The following PBX1 variants were observed in gnomAD, a reference collection of about 807,000 sequenced individuals.
The protein encoded by PBX1 is pre-B-cell leukemia transcription factor 1.
A neutral mutation model predicts 53.4 loss-of-function variants in PBX1; 6 were observed. The ratio of observed to expected loss-of-function variants is 0.11; its 90% confidence interval spans 0.06 to 0.22. The LOEUF (loss-of-function observed/expected upper bound fraction) is 0.22, where lower values mean the gene tolerates loss of function less well. Among genes scored for constraint, PBX1 ranks in the 10% least tolerant of loss-of-function variants. The pLI is 1.00. For missense variants in PBX1, 251 were observed against 551.4 expected (o/e 0.46, Z 5.46); for synonymous variants, 204 against 212.3 (o/e 0.96, Z 0.34).
intron 2 of PBX1, among the ~76,000 whole-genome samples, chr1:164,879,735 T>C (rs1300717232): frequency 6.6e-6 from 1 of 152,076 alleles, no homozygotes; most frequent in East Asian, 1.9e-4. Flanking sequence ...GTAATGGGAG[T>C]GGATAATATG....
At chr1:164,709,850 A>G (rs1663653169) in intron 2 of PBX1, among the ~76,000 whole-genome samples, 1 of 152,214 alleles carries the variant, frequency 6.6e-6, no homozygotes, top group Non-Finnish European at 1.5e-5. Context: ...GTGAAATACC[A>G]GAAGTCGTCT....
chr1:164,842,357 A>G (rs1489249181), intron 8 of PBX1, among the ~76,000 whole-genome samples: 3 of 152,178 alleles, frequency 2.0e-5, no homozygotes, highest in South Asian at 2.1e-4. Flanking sequence ...CATGTTTTGC[A>G]TTACCTTTTA....
intron 2 of PBX1, among the ~76,000 whole-genome samples, chr1:164,572,473 A>G (rs1054707418): frequency 6.6e-6 from 1 of 152,204 alleles, no homozygotes; most frequent in Non-Finnish European, 1.5e-5. Context: ...CATTTTAAAG[A>G]GGAAAAAAAG....
intron 2 of PBX1, among the ~76,000 whole-genome samples, chr1:164,879,670 AGT>A (rs1672599110): frequency 6.6e-6 from 1 of 152,176 alleles, no homozygotes; most frequent in South Asian, 2.1e-4. Flanking sequence ...TCAACACGGT[AGT>A]CATGATGGTT....
At chr1:164,842,718 T>C (rs1384306471) in intron 8 of PBX1, among the ~76,000 whole-genome samples, 1 of 152,110 alleles carries the variant, frequency 6.6e-6, no homozygotes, top group African/African-American at 2.4e-5. Flanking sequence ...ACTAAATTGT[T>C]TTTAGCAATT....
At chr1:164,677,247 C>T (rs1270576783) in intron 2 of PBX1, among the ~76,000 whole-genome samples, 5 of 151,590 alleles carry the variant, frequency 3.3e-5, no homozygotes, top group East Asian at 2.0e-4. Flanking sequence ...CGCCCGCCAC[C>T]GCGCCCGGCT....
rs533693615 is a variant in PBX1, at chr1:164,821,614, G to T, written c.1188G>T (p.Pro396=). 5.6e-6 allele frequency: 9 copies of T among 1,613,220 alleles called. No individual in the cohort carries two copies. In the South Asian group the frequency reaches 6.6e-5, roughly 12 times the overall value. ...DGLAASQMYS[P]QGISANGGWQ... Reference sequence around the variant, plus strand: ...TCGCAGCCAGTCAGATGTACAGTCCGCAGGGCATCAGTGTAAGAAAACAAG... The same window carrying T: ...TCGCAGCCAGTCAGATGTACAGTCCTCAGGGCATCAGTGTAAGAAAACAAG... The change falls in exon 8 of 9, where the codon CCG becomes CCT. Residue 396 remains proline (P), a synonymous_variant. Transcript: ENST00000420696.
intron 2 of PBX1, among the ~76,000 whole-genome samples, chr1:164,675,495 C>G (rs1318514785): frequency 6.6e-6 from 1 of 152,160 alleles, no homozygotes; most frequent in Non-Finnish European, 1.5e-5. Context: ...GCTACCACCT[C>G]CCTGCCTAGC....
rs537061357 is a variant in PBX1, at chr1:164,773,361, C to T, written c.266-19133C>T. ...TTGAGTGACCCACTCACACTCAGCT[C>T]AGCATTCCTATTTCAAACACTGCTG... On this transcript the variant is annotated intron_variant, in intron 2 of 8. Coordinates refer to ENST00000420696, the MANE Select transcript of PBX1 (RefSeq NM_002585.4). Among the ~76,000 whole-genome samples the T allele has an allele frequency of 2.6e-5, 4 of 152,214 alleles. No homozygotes were observed. In the South Asian group the frequency reaches 8.3e-4, roughly 32 times the overall value.
At chr1:164,695,428 C>T (rs1236727370) in intron 2 of PBX1, among the ~76,000 whole-genome samples, 2 of 152,136 alleles carry the variant, frequency 1.3e-5, no homozygotes, top group East Asian at 3.9e-4. Context: ...CCTGCCACTT[C>T]TTTCTTATAC....
At position 164,807,602 on chromosome 1, in the gene PBX1, C is replaced by T. The variant is rs1488036135; in HGVS notation, c.762C>T (p.Ser254=). ...AAATCCTGAATGAATATTTCTATTCCCATCTCAGCAACCCTTACCCCAGTG... is the reference window on the plus strand; with the variant it reads ...AAATCCTGAATGAATATTTCTATTCTCATCTCAGCAACCCTTACCCCAGTG... ...ATEILNEYFY[S]HLSNPYPSEE... Residue 254 remains serine (S), a synonymous_variant, in exon 5 of 9, where the codon TCC becomes TCT. Coordinates refer to ENST00000420696, the MANE Select transcript of PBX1 (RefSeq NM_002585.4). 1 of 1,614,026 alleles carries T rather than the reference C, an allele frequency of 6.2e-7. No homozygotes were observed. Among genetic ancestry groups the T allele is most frequent in the Admixed American group, 1.7e-5 (1 of 60,006 alleles).
rs1197602716 is a variant in PBX1 at position 164,849,629 on chromosome 1, A to G, written c.*2953A>G. ...ACGATACTAGACCCTGGGTTTGCCC[A>G]CCTTGTAACTCTTCCTTATCTCCTC... On this transcript the variant is annotated 3_prime_UTR_variant, in exon 9 of 9. Transcript: ENST00000420696. 1 of 532,760 alleles carries G rather than the reference A, an allele frequency of 1.9e-6. No individual in the cohort carries two copies. Among genetic ancestry groups the G allele is most frequent in the East Asian group, 3.1e-5 (1 of 31,986 alleles). The allele number at this position is 532,760 out of a possible 1,614,324, so 33.0% of individuals were successfully genotyped here. A position where few individuals can be genotyped will look rare whatever the true frequency, so the allele number is the denominator to read the frequency against.
At chr1:164,751,230 G>T (rs1055505789) in intron 2 of PBX1, among the ~76,000 whole-genome samples, 1 of 150,790 alleles carries the variant, frequency 6.6e-6, no homozygotes, top group Non-Finnish European at 1.5e-5. Flanking sequence ...TGGGAGAATC[G>T]CTTGAGCCCA....
intron 6 of PBX1, chr1:164,815,846 T>A (rs1452937490): frequency 2.6e-5 from 4 of 152,106 alleles, no homozygotes; most frequent in African/African-American, 9.7e-5. Flanking sequence ...GAGATTTGGG[T>A]GGGGACACAA....
At chr1:164,635,730 T>C (rs937044627) in intron 2 of PBX1, among the ~76,000 whole-genome samples, 1 of 152,250 alleles carries the variant, frequency 6.6e-6, no homozygotes, top group Non-Finnish European at 1.5e-5. Context: ...TTAATTTACG[T>C]CTATTATATT....
chr1:164,773,356 C>G (rs1187558079), intron 2 of PBX1, among the ~76,000 whole-genome samples: 2 of 152,082 alleles, frequency 1.3e-5, no homozygotes, highest in Admixed American at 1.3e-4. Flanking sequence ...CACTCACACT[C>G]AGCTCAGCAT....
intron 2 of PBX1, among the ~76,000 whole-genome samples, chr1:164,668,835 A>G (rs1003956280): frequency 2.0e-5 from 3 of 152,230 alleles, no homozygotes; most frequent in Non-Finnish European, 4.4e-5. Flanking sequence ...CCGCATTTGC[A>G]TATTAAGAGA....
intron 7 of PBX1, among the ~76,000 whole-genome samples, chr1:164,820,419 G>C (rs75706260): frequency 6.6e-6 from 1 of 152,170 alleles, no homozygotes; most frequent in Non-Finnish European, 1.5e-5. Context: ...GAGAAGAACA[G>C]TAAGCACAGG....
At chr1:164,563,163 GTT>G in intron 1 of PBX1, 73 bp from the exon 2 acceptor site, 2 of 1,010,390 alleles carry the variant, frequency 2.0e-6, no homozygotes, top group South Asian at 1.4e-5. Context: ...ATGTTCAAAT[GTT>G]TTCACCCTGT....
Sources: allele counts gnomAD v4.1 joint callset (sites outside exome capture counted in the v4.1 genomes callset), GRCh38; gene constraint gnomAD v4.1.1; transcripts MANE v1.5; gene names NCBI Gene and HGNC (gene_info 2026-07-23, HGNC 2026-07-21).